The following KCNK13 variants were observed in gnomAD, a reference collection of about 807,000 sequenced individuals.
KCNK13 encodes potassium channel subfamily K member 13.
In KCNK13, 12 loss-of-function variants were observed where a neutral mutation model predicts 23.4. The ratio of observed to expected loss-of-function variants is 0.51; its 90% CI spans 0.33 to 0.83. The LOEUF (loss-of-function observed/expected upper bound fraction) is 0.83, where lower values mean the gene tolerates loss of function less well. KCNK13 is among the 40% of genes least tolerant of loss of function. The pLI is 0.02. For missense variants in KCNK13, 463 were observed against 556.3 expected (o/e 0.83, Z 1.69); for synonymous variants, 231 against 229.5 (o/e 1.01, Z -0.06).
chr14:90,180,566 G>A (rs1479974488), intron 1 of KCNK13, among the ~76,000 whole-genome samples: 1 of 152,108 alleles, frequency 6.6e-6, no homozygotes, highest in Non-Finnish European at 1.5e-5. Context: ...AGGAGAGATG[G>A]CAGTCATCCA....
chr14:90,166,280 C>T (rs758605092), intron 1 of KCNK13, among the ~76,000 whole-genome samples: 1 of 152,200 alleles, frequency 6.6e-6, no homozygotes, highest in Admixed American at 6.5e-5. Context: ...GTATTGATAG[C>T]GGTAACCGCT....
intron 1 of KCNK13, among the ~76,000 whole-genome samples, chr14:90,166,732 A>G (rs1213309183): frequency 5.3e-5 from 8 of 151,262 alleles, no homozygotes; most frequent in Non-Finnish European, 1.2e-4. Flanking sequence ...AAATTTTCTT[A>G]TTTATTTGGG....
chr14:90,075,218 A>G (rs911806955), intron 1 of KCNK13, among the ~76,000 whole-genome samples: 1 of 152,164 alleles, frequency 6.6e-6, no homozygotes, highest in African/African-American at 2.4e-5. Flanking sequence ...TCATATCTAA[A>G]CTATCTGAGG....
chr14:90,184,742 C>T lies in KCNK13; in HGVS notation c.966C>T (p.Arg322=). 1 of 1,614,186 alleles carries T rather than the reference C, an allele frequency of 6.2e-7. No individual in the cohort carries two copies. The change falls in exon 2 of 2, where the codon CGC becomes CGT. Residue 322 remains arginine, a synonymous_variant. Coordinates refer to ENST00000282146, the MANE Select transcript of KCNK13 (RefSeq NM_022054.4). The surrounding 1 kb of genome is among the most constrained non-coding windows in gnomAD (Gnocchi z 5.6). The stretch of plus-strand genomic sequence containing the variant: ...TGATGCCAGGCAGCGTCCGGAACCG[C>T]TGCAACATCTCCATAGAGACAGACG... The part of the protein sequence containing the change: ...NVVMPGSVRN[R]CNISIETDGV...
intron 1 of KCNK13, among the ~76,000 whole-genome samples, chr14:90,071,231 T>G (rs931450277): frequency 6.6e-6 from 1 of 152,210 alleles, no homozygotes; most frequent in Non-Finnish European, 1.5e-5. Context: ...TTGGGCTCCT[T>G]GGGGTCCTGT....
At chr14:90,145,143 C>T (rs898469039) in intron 1 of KCNK13, among the ~76,000 whole-genome samples, 10 of 152,142 alleles carry the variant, frequency 6.6e-5, no homozygotes, top group Admixed American at 5.2e-4. Flanking sequence ...CACAGTGGCT[C>T]ATGCCTGTAA....
chr14:90,104,327 C>G (rs1889517294), intron 1 of KCNK13, among the ~76,000 whole-genome samples: 1 of 152,134 alleles, frequency 6.6e-6, no homozygotes, highest in Non-Finnish European at 1.5e-5. Flanking sequence ...GGCCTTCTCT[C>G]CAGACCCCTT....
intron 1 of KCNK13, among the ~76,000 whole-genome samples, chr14:90,113,964 G>C (rs1889645429): frequency 6.6e-6 from 1 of 151,978 alleles, no homozygotes. Flanking sequence ...AAGAATGAAA[G>C]AAAAAGAAAC....
chr14:90,064,500 A>G (rs1253653424), intron 1 of KCNK13, among the ~76,000 whole-genome samples: 1 of 152,178 alleles, frequency 6.6e-6, no homozygotes, highest in Admixed American at 6.5e-5. Flanking sequence ...AAACCTGGAC[A>G]AAGAGTCTGG....
At chr14:90,140,970 A>C (rs1889998794) in intron 1 of KCNK13, among the ~76,000 whole-genome samples, 1 of 152,204 alleles carries the variant, frequency 6.6e-6, no homozygotes, top group Non-Finnish European at 1.5e-5. Context: ...GTTGTTTCTC[A>C]GCTGACCAAT....
chr14:90,149,169 G>T (rs4900022), intron 1 of KCNK13, among the ~76,000 whole-genome samples: 1 of 152,078 alleles, frequency 6.6e-6, no homozygotes, highest in South Asian at 2.1e-4. Context: ...CAGCCTGACC[G>T]ATATGGTGAA....
At chr14:90,176,486 T>C (rs1596811829) in intron 1 of KCNK13, among the ~76,000 whole-genome samples, 1 of 152,176 alleles carries the variant, frequency 6.6e-6, no homozygotes, top group Non-Finnish European at 1.5e-5. Flanking sequence ...TCATCCCAGT[T>C]GACATTGGAG....
intron 1 of KCNK13, among the ~76,000 whole-genome samples, chr14:90,066,209 CA>C (rs1314674413): frequency 6.6e-6 from 1 of 150,600 alleles, no homozygotes; most frequent in East Asian, 2.0e-4. Context: ...CTCTTGACCT[CA>C]AGTGATCCTC....
intron 1 of KCNK13, among the ~76,000 whole-genome samples, chr14:90,135,989 C>T (rs1027865346): frequency 2.0e-5 from 3 of 152,028 alleles, no homozygotes; most frequent in Non-Finnish European, 4.4e-5. Flanking sequence ...AGGGCACACC[C>T]AGCATCACAA....
intron 1 of KCNK13, among the ~76,000 whole-genome samples, chr14:90,176,895 C>T (rs192714987): frequency 4.4e-4 from 67 of 152,278 alleles, no homozygotes; most frequent in African/African-American, 1.5e-3. Context: ...TGGCATGCGC[C>T]TGTAGTCCCA....
At chr14:90,175,885 G>A (rs1380892603) in intron 1 of KCNK13, among the ~76,000 whole-genome samples, 1 of 152,168 alleles carries the variant, frequency 6.6e-6, no homozygotes, top group Admixed American at 6.5e-5. Context: ...GAATGGCTGG[G>A]CCTGTCTCTC....
At chr14:90,097,622 A>G (rs956741885) in intron 1 of KCNK13, among the ~76,000 whole-genome samples, 1 of 152,104 alleles carries the variant, frequency 6.6e-6, no homozygotes, top group South Asian at 2.1e-4. Context: ...GACTGCCACA[A>G]ACTGTATTCC....
In KCNK13 at chr14:90,105,058, A is replaced by G. The variant is rs148948124; in HGVS notation, c.334+42519A>G. 3.4e-4 allele frequency among the ~76,000 whole-genome samples: 51 copies of G among 152,010 alleles called. 2 individuals carry two copies. Among genetic ancestry groups the G allele is most frequent in the African/African-American group, 1.2e-3 (51 of 41,452 alleles). On this transcript the variant is annotated intron_variant, in intron 1 of 1. Transcript: ENST00000282146. ...TCACGCCTCAACCTCCCAAAGTGCT[A>G]GGATTACAGGCATGAGCCACCAGCC...
At chr14:90,092,168 C>T (rs1282849779) in intron 1 of KCNK13, among the ~76,000 whole-genome samples, 4 of 152,116 alleles carry the variant, frequency 2.6e-5, no homozygotes, top group African/African-American at 4.8e-5. Context: ...GTGATCTGCC[C>T]GCCTTGGCCT....
Sources: gnomAD v4.1 joint callset for allele counts (sites outside exome capture counted in the v4.1 genomes callset) on GRCh38, gnomAD v4.1.1 for gene constraint, Gnocchi (gnomAD v3.1) non-coding constraint, MANE v1.5 for transcripts, NCBI Gene and HGNC (gene_info 2026-07-23, HGNC 2026-07-21) for gene names.